The following MAML3 variants were observed in gnomAD, a reference collection of about 807,000 sequenced individuals.
MAML3 encodes the protein mastermind like transcriptional coactivator 3.
In MAML3, 27 loss-of-function variants were observed where a neutral mutation model predicts 101.9. The ratio of observed to expected loss-of-function variants is 0.27; its 90% CI spans 0.20 to 0.37. The LOEUF is 0.37. Ranked by LOEUF, MAML3 falls within the 10% of genes least tolerant of loss-of-function variation. The pLI, the probability that MAML3 is intolerant of heterozygous loss-of-function variation, is 1.00. For synonymous variants in MAML3, 501 were observed against 555.9 expected, an observed-to-expected ratio of 0.90 and a Z score of 1.39; for missense variants, 1,316 against 1,444.9, an observed-to-expected ratio of 0.91 and a Z score of 1.45.
intron 1 of MAML3, among the ~76,000 whole-genome samples, chr4:140,048,431 A>C (rs777774287): frequency 4.6e-5 from 7 of 152,204 alleles, no homozygotes; most frequent in Non-Finnish European, 8.8e-5. Flanking sequence ...AACTGAAGAA[A>C]GTCTCCTTGT....
chr4:139,859,625 A>G (rs2111163818), intron 2 of MAML3, among the ~76,000 whole-genome samples: 1 of 152,334 alleles, frequency 6.6e-6, no homozygotes, highest in South Asian at 2.1e-4. Context: ...AGCAGTATCT[A>G]CTAAGTGCTA....
At chr4:140,024,562 G>A (rs995684933) in intron 1 of MAML3, among the ~76,000 whole-genome samples, 3 of 152,076 alleles carry the variant, frequency 2.0e-5, no homozygotes, top group Non-Finnish European at 2.9e-5. Flanking sequence ...CACTGAGCCC[G>A]GCCCAGAGTC....
chr4:140,125,459 AT>A (rs1268211617), intron 1 of MAML3, among the ~76,000 whole-genome samples: 1 of 152,234 alleles, frequency 6.6e-6, no homozygotes, highest in Non-Finnish European at 1.5e-5. Flanking sequence ...TTTCAAAAAA[AT>A]AAAGACGTTT....
intron 2 of MAML3, among the ~76,000 whole-genome samples, chr4:139,873,186 C>T (rs1324321800): frequency 6.6e-6 from 1 of 152,160 alleles, no homozygotes. Context: ...TGTTGTATTG[C>T]TTCTCTGCTA....
chr4:140,113,570 A>C (rs1468233077), intron 1 of MAML3, among the ~76,000 whole-genome samples: 1 of 152,208 alleles, frequency 6.6e-6, no homozygotes, highest in East Asian at 1.9e-4. Flanking sequence ...TCCAGTAGAC[A>C]GTACCAACTA....
At chr4:140,078,354 C>T (rs767128357) in intron 1 of MAML3, among the ~76,000 whole-genome samples, 1 of 152,128 alleles carries the variant, frequency 6.6e-6, no homozygotes, top group Non-Finnish European at 1.5e-5. Flanking sequence ...TGGGAGAATG[C>T]TAGAGAAAAA....
chr4:139,816,841 T>G (rs1730900348), intron 2 of MAML3, among the ~76,000 whole-genome samples: 1 of 152,146 alleles, frequency 6.6e-6, no homozygotes, highest in Non-Finnish European at 1.5e-5. Flanking sequence ...ATTCCCAGAC[T>G]GTGTGGCTAT....
chr4:139,877,094 T>G (rs795972), intron 2 of MAML3, among the ~76,000 whole-genome samples: 1 of 152,086 alleles, frequency 6.6e-6, no homozygotes, highest in African/African-American at 2.4e-5. Flanking sequence ...AGTTTGGATA[T>G]AATTTGGGGT....
intron 1 of MAML3, among the ~76,000 whole-genome samples, chr4:140,032,167 A>G (rs1178604858): frequency 2.0e-5 from 3 of 152,248 alleles, no homozygotes; most frequent in Non-Finnish European, 4.4e-5. Flanking sequence ...GTAGATTTAG[A>G]TTGATGGTTC....
intron 1 of MAML3, among the ~76,000 whole-genome samples, chr4:140,076,684 G>T (rs2110962239): frequency 6.6e-6 from 1 of 152,266 alleles, no homozygotes; most frequent in East Asian, 1.9e-4. Flanking sequence ...GGGCCTTTGT[G>T]TGGACACCAT....
intron 1 of MAML3, among the ~76,000 whole-genome samples, chr4:139,954,844 A>G (rs1213667504): frequency 6.6e-6 from 1 of 152,196 alleles, no homozygotes; most frequent in Non-Finnish European, 1.5e-5. Context: ...AACGTAGTTT[A>G]TGCATGTAAC....
chr4:139,721,247 A>T (rs1177073475), intron 4 of MAML3, among the ~76,000 whole-genome samples: 1 of 152,212 alleles, frequency 6.6e-6, no homozygotes, highest in Non-Finnish European at 1.5e-5. Flanking sequence ...CATTTGAGTG[A>T]GTCCTTCTTT....
intron 1 of MAML3, among the ~76,000 whole-genome samples, chr4:139,910,272 G>T (rs936771657): frequency 1.3e-5 from 2 of 152,180 alleles, no homozygotes; most frequent in Non-Finnish European, 2.9e-5. Context: ...AACTCTGAGG[G>T]TGGGGCCCAG....
chr4:139,812,785 A>G (rs1221268055), intron 2 of MAML3, among the ~76,000 whole-genome samples: 2 of 152,198 alleles, frequency 1.3e-5, no homozygotes, highest in Non-Finnish European at 2.9e-5. Context: ...ATGAAAACAC[A>G]GGGCTCCAAG....
intron 1 of MAML3, among the ~76,000 whole-genome samples, chr4:140,091,787 G>T (rs1165910240): frequency 1.3e-5 from 2 of 151,898 alleles, no homozygotes; most frequent in Non-Finnish European, 2.9e-5. Context: ...CCAGAACAGG[G>T]TTCAAATGGC....
At chr4:139,960,012 G>A (rs1733983476) in intron 1 of MAML3, among the ~76,000 whole-genome samples, 1 of 152,158 alleles carries the variant, frequency 6.6e-6, no homozygotes, top group Admixed American at 6.5e-5. Flanking sequence ...CTATCATTTA[G>A]CTGGAGAGAA....
At chr4:139,977,456 G>A (rs1734362785) in intron 1 of MAML3, among the ~76,000 whole-genome samples, 1 of 152,180 alleles carries the variant, frequency 6.6e-6, no homozygotes, top group Non-Finnish European at 1.5e-5. Context: ...ACTAAGGAGT[G>A]GAAGAGTGGA....
intron 1 of MAML3, among the ~76,000 whole-genome samples, chr4:140,142,560 T>C (rs1728993706): frequency 6.6e-6 from 1 of 152,176 alleles, no homozygotes; most frequent in Admixed American, 6.5e-5. Context: ...CAGCTTAAAT[T>C]TTCATAAGAT....
intron 2 of MAML3, among the ~76,000 whole-genome samples, chr4:139,778,248 A>C (rs1378050416): frequency 6.6e-6 from 1 of 152,256 alleles, no homozygotes; most frequent in Non-Finnish European, 1.5e-5. Flanking sequence ...AGTGTTGTGC[A>C]TGGTTTATAC....
Sources: allele counts gnomAD v4.1 joint callset (sites outside exome capture counted in the v4.1 genomes callset), GRCh38; gene constraint gnomAD v4.1.1; transcripts MANE v1.5; gene names NCBI Gene and HGNC (gene_info 2026-07-23, HGNC 2026-07-21).